GALNT16: variants seen among roughly 807,000 people sequenced by gnomAD.
GALNT16 encodes the protein UDP-GalNAc:polypeptide N-acetylgalactosaminyltransferase-like protein 1.
A neutral mutation model predicts 76.1 loss-of-function variants in GALNT16; 40 were observed. That is an observed-to-expected ratio of 0.53 (90% CI 0.41 to 0.68). The LOEUF (loss-of-function observed/expected upper bound fraction) is 0.68, where lower values mean the gene tolerates loss of function less well. Among genes scored for constraint, GALNT16 ranks in the 30% least tolerant of loss-of-function variants. The probability of loss-of-function intolerance (pLI) is 0.00; values close to 1 mark genes in which losing one functional copy is unlikely to be tolerated. For missense variants in GALNT16, 621 were observed against 731.9 expected (o/e 0.85, Z 1.75); for synonymous variants, 276 against 285.2 (o/e 0.97, Z 0.32).
intron 1 of GALNT16, among the ~76,000 whole-genome samples, chr14:69,287,187 A>G (rs1013326236): frequency 1.3e-5 from 2 of 152,202 alleles, no homozygotes; most frequent in African/African-American, 4.8e-5. Context: ...CTTCACTTTC[A>G]TAGGGCCCCT....
chr14:69,384,049 T>C, the GALNT16 span, among the ~76,000 whole-genome samples: 1 of 152,208 alleles, frequency 6.6e-6, no homozygotes, highest in Admixed American at 6.5e-5. Context: ...AATGACATAC[T>C]TGTATATCAT....
chr14:69,276,252 T>A (rs919123511), intron 1 of GALNT16, among the ~76,000 whole-genome samples: 1 of 152,060 alleles, frequency 6.6e-6, no homozygotes, highest in African/African-American at 2.4e-5. Flanking sequence ...CCAAAGAAGA[T>A]ACACAGCGCA....
At chr14:69,330,654 G>A (rs1464026595) in intron 6 of GALNT16, among the ~76,000 whole-genome samples, 5 of 152,210 alleles carry the variant, frequency 3.3e-5, no homozygotes, top group Non-Finnish European at 7.3e-5. Flanking sequence ...GGCAGAGCTG[G>A]ATTCCAAGTT....
At chr14:69,309,301 C>CTT (rs531638001) in intron 1 of GALNT16, among the ~76,000 whole-genome samples, 3 of 141,736 alleles carry the variant, frequency 2.1e-5, no homozygotes, top group Non-Finnish European at 3.1e-5. Context: ...TCTTTTCCTT[C>CTT]TTTTTTTTTT....
At chr14:69,277,426 A>G (rs1487871493) in intron 1 of GALNT16, among the ~76,000 whole-genome samples, 2 of 152,050 alleles carry the variant, frequency 1.3e-5, no homozygotes. Context: ...TCCTGTGTCC[A>G]AGTGTTCTCA....
intron 1 of GALNT16, among the ~76,000 whole-genome samples, chr14:69,266,262 G>C (rs1259836850): frequency 6.6e-6 from 1 of 152,194 alleles, no homozygotes; most frequent in African/African-American, 2.4e-5. Flanking sequence ...CAAAATGTTG[G>C]CAGTAGGGAG....
chr14:69,260,269 C>G lies in GALNT16; in HGVS notation c.-22C>G. Reference sequence around the variant, plus strand: ...AGAGCACGCCGGCCCAGTCCCCCACCTGGGGCGCCCGTCTGCCCACCATGA... The same window carrying G: ...AGAGCACGCCGGCCCAGTCCCCCACGTGGGGCGCCCGTCTGCCCACCATGA... On this transcript the variant is annotated 5_prime_UTR_variant, in exon 1 of 15. Coordinates refer to ENST00000448469, the MANE Select transcript of GALNT16 (RefSeq NM_001168368.2). 1 of 1,610,150 alleles carries G rather than the reference C, an allele frequency of 6.2e-7. No homozygotes were observed. The highest frequency in any genetic ancestry group is 8.5e-7 in the Non-Finnish European group (1 of 1,177,886).
the GALNT16 span, among the ~76,000 whole-genome samples, chr14:69,377,897 C>G: frequency 1.3e-5 from 2 of 149,052 alleles, no homozygotes; most frequent in Non-Finnish European, 3.0e-5. Flanking sequence ...TGTATCAATC[C>G]TGATTTTCAT....
At chr14:69,358,489 A>C (rs2045706001), downstream of GALNT16, 1 of 152,986 alleles carries the variant, frequency 6.5e-6, no homozygotes, top group Non-Finnish European at 1.5e-5. Context: ...ATCAGGTCAC[A>C]GTAAGTTGTG....
At chr14:69,348,940 C>G (rs1458591463) in intron 14 of GALNT16, 1 of 152,388 alleles carries the variant, frequency 6.6e-6, no homozygotes, top group Non-Finnish European at 1.5e-5. Context: ...GCTAGCCTGC[C>G]TCAGTCGGTG....
intron 2 of GALNT16, among the ~76,000 whole-genome samples, chr14:69,323,013 T>G (rs1277485746): frequency 3.7e-5 from 5 of 134,776 alleles, no homozygotes; most frequent in African/African-American, 1.2e-4. Context: ...TGCACACGTG[T>G]AGGGAAGCAA....
chr14:69,363,966 G>A, the GALNT16 span, among the ~76,000 whole-genome samples: 2 of 152,172 alleles, frequency 1.3e-5, no homozygotes, highest in African/African-American at 4.8e-5. Flanking sequence ...GAGGTTCCCT[G>A]AGTGCCTGTA....
the GALNT16 span, among the ~76,000 whole-genome samples, chr14:69,378,282 G>A: frequency 1.3e-5 from 2 of 152,206 alleles, no homozygotes; most frequent in Non-Finnish European, 2.9e-5. Flanking sequence ...AAATATTTTA[G>A]AAATTCTCAG....
At chr14:69,346,944 G>A (rs1263382552) in intron 12 of GALNT16, 96 bp from the exon 13 acceptor site, 7 of 1,496,402 alleles carry the variant, frequency 4.7e-6, no homozygotes, top group Non-Finnish European at 6.5e-6. Context: ...GGAGACCTCG[G>A]CGCTCCCAGA....
the GALNT16 span, among the ~76,000 whole-genome samples, chr14:69,381,697 G>A: frequency 1.4e-4 from 21 of 152,068 alleles, 1 homozygote; most frequent in East Asian, 3.7e-3. Flanking sequence ...ACCGACCCCT[G>A]CTTTTTTTTG....
the GALNT16 span, among the ~76,000 whole-genome samples, chr14:69,376,857 C>G: frequency 3.1e-3 from 475 of 152,198 alleles, 3 homozygotes; most frequent in African/African-American, 0.011. Flanking sequence ...CTTGTAAATG[C>G]GGCATGCTCC....
upstream of GALNT16, chr14:69,259,901 T>A (rs1162953034): frequency 5.5e-6 from 1 of 181,392 alleles, no homozygotes; most frequent in Non-Finnish European, 1.1e-5. Context: ...CAGTCGCCAT[T>A]CCGCCGCGGG....
chr14:69,379,722 T>C, the GALNT16 span, among the ~76,000 whole-genome samples: 6 of 152,188 alleles, frequency 3.9e-5, no homozygotes, highest in Non-Finnish European at 8.8e-5. Context: ...GGTTTTTCCC[T>C]TGCCCTTATA....
intron 1 of GALNT16, among the ~76,000 whole-genome samples, chr14:69,274,404 G>A (rs1385636693): frequency 3.3e-5 from 5 of 152,166 alleles, no homozygotes; most frequent in Non-Finnish European, 5.9e-5. Flanking sequence ...AGGAATTTGG[G>A]AGTGGCTTGG....
Sources: allele counts gnomAD v4.1 joint callset (sites outside exome capture counted in the v4.1 genomes callset), GRCh38; gene constraint gnomAD v4.1.1; transcripts MANE v1.5; gene names NCBI Gene and HGNC (gene_info 2026-07-23, HGNC 2026-07-21).